SOS1: variants seen among roughly 807,000 people sequenced by gnomAD.
SOS1 encodes SOS Ras/Rac guanine nucleotide exchange factor 1, also known as son of sevenless homolog 1.
Under a neutral mutation model 157.6 loss-of-function variants are expected in SOS1, and 25 were observed. The observed-to-expected ratio is 0.16, with a 90% CI of 0.12 to 0.22. The LOEUF (loss-of-function observed/expected upper bound fraction) is 0.22, where lower values mean the gene tolerates loss of function less well. SOS1 is among the 10% of genes least tolerant of loss of function. The pLI, the probability that SOS1 is intolerant of heterozygous loss-of-function variation, is 1.00. For missense variants in SOS1, 1,237 were observed against 1,599.1 expected, an observed-to-expected ratio of 0.77 and a Z score of 3.86; for synonymous variants, 528 against 534.0, an observed-to-expected ratio of 0.99 and a Z score of 0.16.
intron 6 of SOS1, among the ~76,000 whole-genome samples, chr2:39,037,222 T>C (rs962223885): frequency 6.6e-6 from 1 of 152,194 alleles, no homozygotes; most frequent in Non-Finnish European, 1.5e-5. Flanking sequence ...TAGTAAAGTT[T>C]CAAAAACAAC....
chr2:39,003,069 A>AAAAAAAAAAAAG (rs1669163163), intron 17 of SOS1, among the ~76,000 whole-genome samples: 1 of 79,110 alleles, frequency 1.3e-5, no homozygotes, highest in African/African-American at 2.9e-5. Context: ...CTTGTATCAA[A>AAAAAAAAAAAAG]AAAAAAAAAG....
At chr2:39,038,536 C>T (rs918343592) in intron 6 of SOS1, among the ~76,000 whole-genome samples, 1 of 151,452 alleles carries the variant, frequency 6.6e-6, no homozygotes, top group African/African-American at 2.4e-5. Flanking sequence ...GAGATCGAGA[C>T]CATCCTGGCC....
chr2:39,058,722 C>T lies in SOS1; in HGVS notation c.296G>A (p.Arg99Gln). ...DAQSAIEKRK[R>Q]RNPLSLPVEK... ...TACTGGGAGAGATAAAGGGTTTCTT[C>T]GCTTCCTCTTTTCAATAGCTGATTG... Residue 99 changes from arginine to glutamine, a missense_variant, in exon 3 of 23, where the codon CGA (arginine) becomes CAA (glutamine). This residue lies in a region of SOS1 where 19 missense variants were observed against 39.4 expected (regional missense o/e 0.48). Transcript: ENST00000402219. The T allele has an allele frequency of 6.2e-7, 1 of 1,612,730 alleles. No homozygotes were observed. Among genetic ancestry groups the T allele is most frequent in the Non-Finnish European group, 8.5e-7 (1 of 1,179,048 alleles).
intron 2 of SOS1, among the ~76,000 whole-genome samples, chr2:39,067,375 T>C (rs1671624238): frequency 6.6e-6 from 1 of 152,144 alleles, no homozygotes; most frequent in Non-Finnish European, 1.5e-5. Flanking sequence ...GTTTGGGTTT[T>C]TGGATTTGGG....
chr2:39,105,583 C>T (rs1166706389), intron 1 of SOS1, among the ~76,000 whole-genome samples: 1 of 152,068 alleles, frequency 6.6e-6, no homozygotes, highest in East Asian at 1.9e-4. Context: ...ACAAATAGTG[C>T]TCAACTAATT....
intron 1 of SOS1, among the ~76,000 whole-genome samples, chr2:39,095,629 G>C (rs1672743891): frequency 6.6e-6 from 1 of 152,102 alleles, no homozygotes; most frequent in Non-Finnish European, 1.5e-5. Flanking sequence ...CTCTATTCTA[G>C]TCAAAATTAA....
chr2:39,042,013 T>C (rs1048535442), intron 6 of SOS1, among the ~76,000 whole-genome samples: 5 of 152,204 alleles, frequency 3.3e-5, no homozygotes, highest in African/African-American at 9.6e-5. Flanking sequence ...ATCTGTCACA[T>C]TTCAGGAGAA....
chr2:39,050,092 G>C (rs1309648454), intron 6 of SOS1, among the ~76,000 whole-genome samples: 2 of 152,054 alleles, frequency 1.3e-5, no homozygotes, highest in African/African-American at 2.4e-5. Context: ...TGTGTTTGGA[G>C]CAGGAATGGA....
chr2:39,057,769 T>C (rs1470200002), intron 3 of SOS1, among the ~76,000 whole-genome samples: 1 of 152,110 alleles, frequency 6.6e-6, no homozygotes, highest in Non-Finnish European at 1.5e-5. Flanking sequence ...AAGAGAATGA[T>C]GAATGCCTTT....
Position 39,013,945 on chromosome 2 carries a change from G to T in SOS1, c.1985C>A (p.Ala662Asp). Reference sequence around the variant, plus strand: ...CAAGGGTTGATCTCCATTCTCTATAGCTATGCGATCAGCTTCTGTTGGCTC... The same window carrying T: ...CAAGGGTTGATCTCCATTCTCTATATCTATGCGATCAGCTTCTGTTGGCTC... ...EPEPTEADRI[A>D]IENGDQPLSA... is the part of the protein sequence containing the mutation. Residue 662 changes from alanine (A) to aspartate (D), a missense_variant, in exon 12 of 23, where the codon GCT (alanine) becomes GAT (aspartate). Ala to Asp is a moderately radical substitution (Grantham distance 126). Coordinates refer to ENST00000402219, the MANE Select transcript of SOS1 (RefSeq NM_005633.4). The T allele has an allele frequency of 6.2e-7, 1 of 1,605,026 alleles. No homozygotes were observed.
chr2:39,089,339 T>C (rs1672495747), intron 1 of SOS1, among the ~76,000 whole-genome samples: 1 of 152,000 alleles, frequency 6.6e-6, no homozygotes, highest in Non-Finnish European at 1.5e-5. Flanking sequence ...AAGACTAGAC[T>C]GGCCAACATG....
intron 12 of SOS1, 58 bp from the exon 13 acceptor site, chr2:39,013,621 A>G (rs1378388063): frequency 1.8e-6 from 2 of 1,130,868 alleles, no homozygotes; most frequent in East Asian, 2.3e-5. Flanking sequence ...GTTTATCACA[A>G]TGCACAGTAC....
chr2:39,048,671 G>T (rs1410745764), intron 6 of SOS1, among the ~76,000 whole-genome samples: 1 of 151,996 alleles, frequency 6.6e-6, no homozygotes, highest in African/African-American at 2.4e-5. Context: ...CAAAGTGCTG[G>T]GATTACAGGC....
intron 20 of SOS1, among the ~76,000 whole-genome samples, chr2:38,990,081 A>G (rs912339406): frequency 6.6e-6 from 1 of 152,102 alleles, no homozygotes; most frequent in Non-Finnish European, 1.5e-5. Flanking sequence ...AGTGTCTCAT[A>G]TTAACAACAG....
intron 20 of SOS1, among the ~76,000 whole-genome samples, chr2:38,991,410 T>C (rs1024134432): frequency 1.3e-5 from 2 of 152,182 alleles, no homozygotes; most frequent in African/African-American, 4.8e-5. Context: ...GGGATGGAAA[T>C]GGAGAAGTCA....
At chr2:39,091,456 G>A (rs531221253) in intron 1 of SOS1, among the ~76,000 whole-genome samples, 1 of 151,936 alleles carries the variant, frequency 6.6e-6, no homozygotes, top group Admixed American at 6.6e-5. Flanking sequence ...ATAAATAATC[G>A]TCTATAAGCC....
At chr2:39,106,226 G>C (rs1229741324) in intron 1 of SOS1, among the ~76,000 whole-genome samples, 2 of 150,946 alleles carry the variant, frequency 1.3e-5, no homozygotes, top group Non-Finnish European at 2.9e-5. Context: ...TCAGCATGAA[G>C]CATTAAAGTA....
At chr2:39,043,872 G>A (rs1293341503) in intron 6 of SOS1, among the ~76,000 whole-genome samples, 5 of 152,098 alleles carry the variant, frequency 3.3e-5, no homozygotes, top group Non-Finnish European at 7.4e-5. Context: ...ATAAAATATG[G>A]GGACACATTG....
intron 2 of SOS1, among the ~76,000 whole-genome samples, chr2:39,061,581 C>A (rs951347035): frequency 1.3e-5 from 2 of 151,980 alleles, no homozygotes; most frequent in African/African-American, 4.8e-5. Context: ...GAAATGAGAT[C>A]CTGCTATGTT....
Sources: allele counts gnomAD v4.1 joint callset (sites outside exome capture counted in the v4.1 genomes callset), GRCh38; gene constraint gnomAD v4.1.1; regional missense constraint gnomAD v4.1.1; transcripts MANE v1.5; gene names NCBI Gene and HGNC (gene_info 2026-07-23, HGNC 2026-07-21).